LYPLA1: variants seen among roughly 807,000 people sequenced by gnomAD.
LYPLA1 encodes lysophospholipase 1.
LYPLA1 carries 17 observed loss-of-function variants against 34.0 expected under a neutral mutation model. The ratio of observed to expected loss-of-function variants is 0.50; its 90% confidence interval spans 0.34 to 0.75. The LOEUF (loss-of-function observed/expected upper bound fraction) is 0.75, where lower values mean the gene tolerates loss of function less well. LYPLA1 is among the 30% of genes least tolerant of loss of function. The pLI is 0.01. For synonymous variants in LYPLA1, 98 were observed against 100.8 expected, an observed-to-expected ratio of 0.97 and a Z score of 0.17; for missense variants, 203 against 288.8, an observed-to-expected ratio of 0.70 and a Z score of 2.15.
intron 2 of LYPLA1, among the ~76,000 whole-genome samples, chr8:54,073,791 A>C (rs1807676752): frequency 6.6e-6 from 1 of 152,060 alleles, no homozygotes; most frequent in Non-Finnish European, 1.5e-5. Context: ...CTTTTTTCAA[A>C]AGTCAGCCAT....
At chr8:54,095,328 T>C (rs1189632022) in intron 2 of LYPLA1, among the ~76,000 whole-genome samples, 2 of 152,152 alleles carry the variant, frequency 1.3e-5, no homozygotes, top group Non-Finnish European at 2.9e-5. Flanking sequence ...AAAGACCATA[T>C]TTTAACTTTA....
chr8:54,048,418 A>G (rs966397969), intron 8 of LYPLA1, among the ~76,000 whole-genome samples: 1 of 152,230 alleles, frequency 6.6e-6, no homozygotes, highest in African/African-American at 2.4e-5. Context: ...GCCTACACTG[A>G]GAAGTCTCAG....
At chr8:54,064,459 G>A (rs1806896928) in intron 3 of LYPLA1, among the ~76,000 whole-genome samples, 1 of 152,154 alleles carries the variant, frequency 6.6e-6, no homozygotes, top group African/African-American at 2.4e-5. Flanking sequence ...TCTCTTGCTT[G>A]AGCAGAATGA....
intron 2 of LYPLA1, among the ~76,000 whole-genome samples, chr8:54,095,409 G>A (rs1809605999): frequency 1.3e-5 from 2 of 152,124 alleles, no homozygotes; most frequent in Non-Finnish European, 2.9e-5. Flanking sequence ...ATTAATGGGT[G>A]CTAAATCCAT....
At position 54,100,943 on chromosome 8, in the gene LYPLA1, T is replaced by C. The variant is rs112018444; in HGVS notation, c.70-4A>G. On this transcript the variant is annotated splice_polypyrimidine_tract_variant and splice_region_variant and intron_variant, in intron 1 of 8. Transcript: ENST00000316963. Reference sequence around the variant, plus strand: ...CCAATCCATGCAGGAAAATCACCTATAAGAGAAGAGGAAAATTAATAAGCA... The same window carrying C: ...CCAATCCATGCAGGAAAATCACCTACAAGAGAAGAGGAAAATTAATAAGCA... 1.6e-5 allele frequency: 26 copies of C among 1,608,146 alleles called. 1 individual carries two copies. The highest frequency in any genetic ancestry group is 1.7e-4 in the Middle Eastern group (1 of 6,056).
chr8:54,084,142 A>AAAAAATTT (rs1491176522), intron 2 of LYPLA1, among the ~76,000 whole-genome samples: 3 of 93,874 alleles, frequency 3.2e-5, no homozygotes, highest in African/African-American at 1.3e-4. Context: ...AAATAAATAA[A>AAAAAATTT]TATATATATA....
At chr8:54,096,793 C>T (rs1809721432) in intron 2 of LYPLA1, among the ~76,000 whole-genome samples, 1 of 151,760 alleles carries the variant, frequency 6.6e-6, no homozygotes, top group African/African-American at 2.4e-5. Context: ...CCTATAGTCC[C>T]AGCTACTTGG....
chr8:54,060,974 C>T (rs538517769), intron 5 of LYPLA1, among the ~76,000 whole-genome samples: 4 of 151,882 alleles, frequency 2.6e-5, no homozygotes, highest in South Asian at 2.1e-4. Context: ...GGGTTACAGG[C>T]GTGAGCCACC....
chr8:54,099,694 T>A (rs1586193360), intron 2 of LYPLA1, among the ~76,000 whole-genome samples: 1 of 142,760 alleles, frequency 7.0e-6, no homozygotes, highest in Non-Finnish European at 1.5e-5. Context: ...CCTAATGGCA[T>A]TTTTTTTTTT....
chr8:54,070,129 C>T (rs1807355119), intron 2 of LYPLA1, among the ~76,000 whole-genome samples: 2 of 152,182 alleles, frequency 1.3e-5, no homozygotes, highest in African/African-American at 4.8e-5. Context: ...CAATTCTATT[C>T]CTAGGTCTAT....
In LYPLA1 at chr8:54,085,042, T is replaced by G. The variant is rs577676050; in HGVS notation, c.101+15866A>C. ...TCTCCCTCTTTGCACAGTCTCCCTC[T>G]GATGCCGAGACGAGGCTGGACTGTA... On this transcript the variant is annotated intron_variant, in intron 2 of 8. Coordinates refer to ENST00000316963, the MANE Select transcript of LYPLA1 (RefSeq NM_006330.4). Among the ~76,000 whole-genome samples the G allele has an allele frequency of 2.1e-3, 316 of 152,202 alleles. 1 individual carries two copies. The highest frequency in any genetic ancestry group is 7.2e-3 in the African/African-American group (299 of 41,520).
intron 2 of LYPLA1, among the ~76,000 whole-genome samples, chr8:54,078,377 C>A (rs933183846): frequency 3.9e-5 from 6 of 152,202 alleles, no homozygotes; most frequent in Non-Finnish European, 8.8e-5. Context: ...GAGTTTAGAA[C>A]TGCATAATAG....
intron 5 of LYPLA1, among the ~76,000 whole-genome samples, chr8:54,058,853 G>A (rs147887554): frequency 6.6e-6 from 1 of 152,142 alleles, no homozygotes; most frequent in African/African-American, 2.4e-5. Flanking sequence ...ACAGGTATGA[G>A]CAACATCCCT....
intron 2 of LYPLA1, chr8:54,100,170 G>A (rs764967511): frequency 6.6e-6 from 1 of 151,996 alleles, no homozygotes; most frequent in Non-Finnish European, 1.5e-5. Flanking sequence ...TTGAGTAAAA[G>A]ATAAATCATG....
chr8:54,081,495 G>A (rs1305585383), intron 2 of LYPLA1, among the ~76,000 whole-genome samples: 1 of 151,736 alleles, frequency 6.6e-6, no homozygotes. Context: ...CGGTCACCCA[G>A]GATGGAGTGC....
In LYPLA1 at chr8:54,054,070, T is replaced by C. The variant is rs143354914; in HGVS notation, c.360+990A>G. The stretch of plus-strand genomic sequence containing the variant: ...ATCTTGGCTCACTGCAACCTCTGGC[T>C]CCTGGGTTCAAGTGATTTTCCTGCT... On this transcript the variant is annotated intron_variant, in intron 6 of 8. Transcript: ENST00000316963. Among the ~76,000 whole-genome samples the C allele has an allele frequency of 4.6e-3, 703 of 152,312 alleles. 4 individuals carry two copies. The highest frequency in any genetic ancestry group is 0.015 in the African/African-American group (628 of 41,574).
intron 2 of LYPLA1, among the ~76,000 whole-genome samples, chr8:54,071,286 T>G (rs1272807607): frequency 3.3e-5 from 5 of 152,182 alleles, no homozygotes; most frequent in African/African-American, 1.2e-4. Flanking sequence ...CTGGCAAAAC[T>G]TCAATGGAGT....
intron 2 of LYPLA1, among the ~76,000 whole-genome samples, chr8:54,070,270 G>A (rs535328440): frequency 3.3e-5 from 5 of 152,122 alleles, no homozygotes; most frequent in African/African-American, 7.2e-5. Flanking sequence ...AGCCGAGATC[G>A]TGCCACTGCA....
chr8:54,050,788 G>C (rs899042597), intron 8 of LYPLA1, among the ~76,000 whole-genome samples: 4 of 152,236 alleles, frequency 2.6e-5, no homozygotes, highest in Middle Eastern at 3.4e-3. Flanking sequence ...GAAAGGGAAT[G>C]TTTATTATTC....
Sources: allele counts gnomAD v4.1 joint callset (sites outside exome capture counted in the v4.1 genomes callset), GRCh38; gene constraint gnomAD v4.1.1; transcripts MANE v1.5; gene names NCBI Gene and HGNC (gene_info 2026-07-23, HGNC 2026-07-21).